Variants in FAM13B observed in about 807,000 individuals in gnomAD.
FAM13B encodes protein FAM13B.
A neutral mutation model predicts 117.3 loss-of-function variants in FAM13B; 60 were observed. The ratio of observed to expected loss-of-function variants is 0.51; its 90% CI spans 0.42 to 0.63. The LOEUF (loss-of-function observed/expected upper bound fraction) is 0.63. FAM13B is among the 30% of genes least tolerant of loss of function. The pLI, the probability that FAM13B is intolerant of heterozygous loss-of-function variation, is 0.00. For synonymous variants in FAM13B, 332 were observed against 356.1 expected (o/e 0.93, Z 0.76); for missense variants, 972 against 1,091.9 (o/e 0.89, Z 1.55).
intron 1 of FAM13B, among the ~76,000 whole-genome samples, chr5:138,045,997 C>T (rs963075754): frequency 2.0e-5 from 3 of 151,944 alleles, no homozygotes; most frequent in Admixed American, 2.0e-4. Flanking sequence ...TGTGTCCCCA[C>T]CCAAATCTCA....
At chr5:137,947,251 G>T (rs1180946976) in intron 18 of FAM13B, among the ~76,000 whole-genome samples, 1 of 151,896 alleles carries the variant, frequency 6.6e-6, no homozygotes. Context: ...TAAAATTGAA[G>T]ATTAAAAAAA....
Position 137,987,488 on chromosome 5 carries a change from T to A in FAM13B, c.1019A>T (p.His340Leu). 1 of 1,612,712 alleles carries A rather than the reference T, an allele frequency of 6.2e-7. No individual in the cohort carries two copies. The highest frequency in any genetic ancestry group is 8.5e-7 in the Non-Finnish European group (1 of 1,179,314). Reference protein sequence around the residue: ...VVCNNEAESIHCDGEGSNNQI... With the variant: ...VVCNNEAESILCDGEGSNNQI... ...GTTATTAGATCCTTCCCCATCACAATGAATACTTTCTGCTTCATTATTACA... is the reference window on the plus strand; with the variant it reads ...GTTATTAGATCCTTCCCCATCACAAAGAATACTTTCTGCTTCATTATTACA... The change falls in exon 9 of 24, where the codon CAT becomes CTT. Residue 340 changes from histidine (H) to leucine (L), a missense_variant. Physicochemically the swap from His to Leu is moderately conservative, Grantham distance 99 (BLOSUM62 -3). Coordinates refer to ENST00000689681, the MANE Select transcript of FAM13B (RefSeq NM_001385994.1).
At position 138,021,089 on chromosome 5, in the gene FAM13B, G is replaced by C; in HGVS notation, c.-94C>G. 5 of 1,231,636 alleles carry C rather than the reference G, an allele frequency of 4.1e-6. No individual in the cohort carries two copies. The highest frequency in any genetic ancestry group is 5.1e-6 in the Non-Finnish European group (5 of 987,932). 76.3% of individuals were successfully genotyped at this position (1,231,636 alleles called of 1,614,324 possible). ...GGCTTCTGCACCAGCTACCCTCACT[G>C]AGCAAGCATTCTTTTGTCATTTATG... On this transcript the variant is annotated 5_prime_UTR_variant, in exon 2 of 24. Coordinates refer to ENST00000689681, the MANE Select transcript of FAM13B (RefSeq NM_001385994.1).
rs1269564455 is a variant in FAM13B at position 137,940,093 on chromosome 5, CA to C, written c.*131del. 6.2e-7 allele frequency: 1 copy of C among 1,614,022 alleles called. No homozygotes were observed. Among genetic ancestry groups the C allele is most frequent in the South Asian group, 1.1e-5 (1 of 91,074 alleles). On this transcript the variant is annotated 3_prime_UTR_variant, in exon 24 of 24. Transcript: ENST00000689681. ...TCCCATCATTTGTTTTGTTTAGTGG[CA>C]CCACAACCAAGTACAAAATGAGATT...
chr5:138,043,280 T>G (rs1200818753), intron 1 of FAM13B, among the ~76,000 whole-genome samples: 1 of 152,080 alleles, frequency 6.6e-6, no homozygotes, highest in East Asian at 1.9e-4. Context: ...GTGGGAGGAT[T>G]GCTTGAGGCC....
At chr5:138,045,670 C>A (rs1229913198) in intron 1 of FAM13B, among the ~76,000 whole-genome samples, 1 of 151,918 alleles carries the variant, frequency 6.6e-6, no homozygotes, top group African/African-American at 2.4e-5. Flanking sequence ...CAAAATCAGA[C>A]AAAACTAGTC....
rs1025817878 is a variant in FAM13B at position 137,947,574 on chromosome 5, C to CA, written c.2161-1264dup. ...GATTTCTACCAAAACAATTTTTCTACAAAAAAAAATTTCTTTTTTTTTTTT... is the reference window on the plus strand; with the variant it reads ...GATTTCTACCAAAACAATTTTTCTACAAAAAAAAAATTTCTTTTTTTTTTTT... On this transcript the variant is annotated intron_variant, in intron 18 of 23. Coordinates refer to ENST00000689681, the MANE Select transcript of FAM13B (RefSeq NM_001385994.1). 2.7e-5 allele frequency among the ~76,000 whole-genome samples: 4 copies of CA among 150,702 alleles called. No homozygotes were observed. In the South Asian group the frequency reaches 8.4e-4, roughly 32 times the overall value.
At chr5:137,972,364 C>T (rs1163894293) in intron 10 of FAM13B, among the ~76,000 whole-genome samples, 4 of 151,950 alleles carry the variant, frequency 2.6e-5, no homozygotes, top group African/African-American at 9.7e-5. Flanking sequence ...ACAAAAACCA[C>T]GATTATCTCA....
intron 4 of FAM13B, among the ~76,000 whole-genome samples, chr5:138,013,119 C>T (rs946181300): frequency 6.6e-6 from 1 of 151,950 alleles, no homozygotes; most frequent in Non-Finnish European, 1.5e-5. Flanking sequence ...GAGAGGATGG[C>T]TTGAGCCTGG....
At chr5:138,011,709 T>TGC (rs1784068578) in intron 5 of FAM13B, 59 bp downstream of exon 5, 2 of 1,290,366 alleles carry the variant, frequency 1.5e-6, no homozygotes, top group Admixed American at 4.3e-5. Flanking sequence ...TGAGCCACCG[T>TGC]GCCCGGCCTC....
In FAM13B at chr5:138,007,291, G is replaced by T. The variant is rs1022935658; in HGVS notation, c.691-144C>A. ...AGGACCAATCTCTCTTATGGAGTAA[G>T]TAACTGTCAACTTTTTCATATCAAA... On this transcript the variant is annotated intron_variant, in intron 6 of 23. Transcript: ENST00000689681. 6.6e-6 allele frequency: 4 copies of T among 601,568 alleles called. No homozygotes were observed. The Admixed American group carries it at 1.5e-4, about 22-fold the overall frequency. The allele number at this position is 601,568 out of a possible 1,614,324, so 37.3% of individuals were successfully genotyped here. A position where few individuals can be genotyped will look rare whatever the true frequency, so the allele number is the denominator to read the frequency against.
At chr5:138,031,810 T>C (rs1790122284) in intron 1 of FAM13B, among the ~76,000 whole-genome samples, 1 of 152,134 alleles carries the variant, frequency 6.6e-6, no homozygotes, top group South Asian at 2.1e-4. Context: ...CCAACAAGCA[T>C]TTCAAGGTTA....
chr5:137,986,147 T>C (rs186577678), intron 9 of FAM13B, among the ~76,000 whole-genome samples: 54 of 152,274 alleles, frequency 3.5e-4, no homozygotes, highest in African/African-American at 1.2e-3. Context: ...TGCATTCTAA[T>C]CATGCCTTCA....
At chr5:138,029,771 A>G (rs1283470246) in intron 1 of FAM13B, among the ~76,000 whole-genome samples, 1 of 152,264 alleles carries the variant, frequency 6.6e-6, no homozygotes, top group Non-Finnish European at 1.5e-5. Flanking sequence ...TGTAAAGAGC[A>G]GCAGCTTGAC....
intron 10 of FAM13B, among the ~76,000 whole-genome samples, chr5:137,978,005 A>T (rs1392874456): frequency 1.3e-5 from 2 of 152,206 alleles, no homozygotes; most frequent in Non-Finnish European, 2.9e-5. Flanking sequence ...GTGCATGCAC[A>T]CAAAGAAATT....
intron 7 of FAM13B, among the ~76,000 whole-genome samples, chr5:138,002,963 C>T (rs11242409): frequency 0.74 from 111,983 of 151,598 alleles, 42,005 homozygotes; most frequent in East Asian, 0.97. Context: ...TGTGAGCCAC[C>T]GCGCCGGGCC....
At chr5:137,988,337 A>G in intron 7 of FAM13B, 22 bp from the exon 8 acceptor site, 1 of 1,553,720 alleles carries the variant, frequency 6.4e-7, no homozygotes, top group Non-Finnish European at 8.6e-7. Flanking sequence ...GAAAGAAATT[A>G]GCTATAAAAA....
At chr5:137,952,578 T>TA in intron 17 of FAM13B, 50 bp downstream of exon 17, 4 of 1,198,146 alleles carry the variant, frequency 3.3e-6, no homozygotes, top group African/African-American at 1.5e-5. Context: ...GACATTAATA[T>TA]AAAAAAATTT....
intron 23 of FAM13B, 92 bp from the exon 24 acceptor site, chr5:137,940,440 A>C: frequency 1.3e-6 from 1 of 798,492 alleles, no homozygotes; most frequent in Non-Finnish European, 2.0e-6. Flanking sequence ...CTGTTACTAA[A>C]CATAAGTTCA....
Sources: gnomAD v4.1 joint callset for allele counts (sites outside exome capture counted in the v4.1 genomes callset) on GRCh38, gnomAD v4.1.1 for gene constraint, MANE v1.5 for transcripts, NCBI Gene and HGNC (gene_info 2026-07-23, HGNC 2026-07-21) for gene names.